The following ADGRL3 variants were observed in gnomAD, a reference collection of about 807,000 sequenced individuals.
ADGRL3 encodes calcium-independent alpha-latrotoxin receptor 3.
In ADGRL3, 62 loss-of-function variants were observed where a neutral mutation model predicts 153.5. That is an observed-to-expected ratio of 0.40 (90% CI 0.33 to 0.50). The LOEUF (loss-of-function observed/expected upper bound fraction) is 0.50, where lower values mean the gene tolerates loss of function less well. ADGRL3 is among the 20% of genes least tolerant of loss of function. The pLI is 0.47. For missense variants in ADGRL3, 1,641 were observed against 1,859.4 expected, an observed-to-expected ratio of 0.88 and a Z score of 2.16; for synonymous variants, 710 against 672.5, an observed-to-expected ratio of 1.06 and a Z score of -0.86.
rs1395096057 is a variant in ADGRL3, at chr4:61,737,543, C to T, written c.1399+3989C>T. Among the ~76,000 whole-genome samples the T allele has an allele frequency of 3.9e-5, 6 of 152,188 alleles. No homozygotes were observed. The South Asian group carries it at 8.3e-4, about 21-fold the overall frequency. On this transcript the variant is annotated intron_variant, in intron 8 of 26. Coordinates refer to ENST00000683033, the MANE Select transcript of ADGRL3 (RefSeq NM_001387552.1). The stretch of plus-strand genomic sequence containing the variant: ...ATGGGCAGGTTGTTCAGTCTTCAGT[C>T]TCGATTTCCTCAGACTATAAAATGG...
At chr4:61,724,319 G>A (rs992550419) in intron 6 of ADGRL3, among the ~76,000 whole-genome samples, 1 of 152,142 alleles carries the variant, frequency 6.6e-6, no homozygotes, top group Non-Finnish European at 1.5e-5. Context: ...TCTACTAAGA[G>A]AGCTGCATTT....
chr4:61,448,721 AAGG>A (rs1364688834), intron 2 of ADGRL3, among the ~76,000 whole-genome samples: 1 of 147,488 alleles, frequency 6.8e-6, no homozygotes, highest in Non-Finnish European at 1.5e-5. Context: ...AGAAGGAAGG[AAGG>A]AGAGAGGGAA....
At chr4:61,882,824 A>G (rs2098516341) in intron 9 of ADGRL3, among the ~76,000 whole-genome samples, 1 of 152,182 alleles carries the variant, frequency 6.6e-6, no homozygotes, top group South Asian at 2.1e-4. Context: ...TAATACTTGC[A>G]GCTGAGCATG....
At chr4:61,546,335 C>T (rs957504475) in intron 4 of ADGRL3, among the ~76,000 whole-genome samples, 4 of 152,172 alleles carry the variant, frequency 2.6e-5, no homozygotes, top group African/African-American at 4.8e-5. Flanking sequence ...CTCATGCTGG[C>T]TTGCACTGAC....
intron 2 of ADGRL3, among the ~76,000 whole-genome samples, chr4:61,439,843 T>A (rs1267324112): frequency 6.6e-6 from 1 of 152,160 alleles, no homozygotes; most frequent in African/African-American, 2.4e-5. Flanking sequence ...TCTCCTACAC[T>A]TGCCCTGTAA....
intron 2 of ADGRL3, among the ~76,000 whole-genome samples, chr4:61,414,876 A>C (rs191418257): frequency 6.6e-6 from 1 of 152,044 alleles, no homozygotes; most frequent in Admixed American, 6.5e-5. Context: ...TAATTTTGAT[A>C]TTTACATTAT....
intron 1 of ADGRL3, among the ~76,000 whole-genome samples, chr4:61,266,003 T>A (rs538945837): frequency 1.3e-5 from 2 of 151,892 alleles, no homozygotes; most frequent in Non-Finnish European, 2.9e-5. Context: ...TTTCGCATAT[T>A]TAAGTCTTTT....
At chr4:61,937,125 C>G (rs183211880) in intron 15 of ADGRL3, among the ~76,000 whole-genome samples, 308 of 152,238 alleles carry the variant, frequency 2.0e-3, no homozygotes, top group African/African-American at 7.0e-3. Context: ...CTTCCTAAAT[C>G]GTTTCCCTGC....
chr4:61,594,514 A>T (rs1449127612), intron 5 of ADGRL3, among the ~76,000 whole-genome samples: 1 of 152,128 alleles, frequency 6.6e-6, no homozygotes, highest in Admixed American at 6.5e-5. Context: ...GTTTTTGCAG[A>T]CTCATAGAGG....
intron 2 of ADGRL3, among the ~76,000 whole-genome samples, chr4:61,464,389 CAG>C (rs1408850958): frequency 6.6e-6 from 1 of 152,116 alleles, no homozygotes; most frequent in East Asian, 1.9e-4. Context: ...TGTAAATGTG[CAG>C]AGTTGTTAGC....
chr4:61,418,860 A>G (rs1245090248), intron 2 of ADGRL3, among the ~76,000 whole-genome samples: 1 of 150,844 alleles, frequency 6.6e-6, no homozygotes, highest in Non-Finnish European at 1.5e-5. Context: ...GGTAGCATAC[A>G]GTAACATTTA....
intron 8 of ADGRL3, among the ~76,000 whole-genome samples, chr4:61,777,349 A>C (rs2097164670): frequency 8.6e-5 from 13 of 152,004 alleles, no homozygotes; most frequent in Admixed American, 8.5e-4. Flanking sequence ...AAAAAAAGAA[A>C]ATTTCTCTAA....
intron 17 of ADGRL3, among the ~76,000 whole-genome samples, chr4:61,959,209 C>T (rs1163170511): frequency 6.6e-6 from 1 of 152,126 alleles, no homozygotes; most frequent in African/African-American, 2.4e-5. Flanking sequence ...TTTTAATTTA[C>T]AGCAGCATAA....
At chr4:62,061,587 C>G (rs10025965) in intron 25 of ADGRL3, among the ~76,000 whole-genome samples, 4,177 of 152,076 alleles carry the variant, frequency 0.027, 207 homozygotes, top group African/African-American at 0.097. Context: ...GTCATGTTGT[C>G]CTTTCATGAC....
intron 11 of ADGRL3, among the ~76,000 whole-genome samples, chr4:61,907,640 GATAT>G (rs148695815): frequency 6.7e-6 from 1 of 149,328 alleles, no homozygotes; most frequent in African/African-American, 2.5e-5. Context: ...ATATACACAT[GATAT>G]ATATATATAT....
intron 2 of ADGRL3, among the ~76,000 whole-genome samples, chr4:61,453,989 G>A (rs1441930798): frequency 1.3e-5 from 2 of 151,996 alleles, no homozygotes; most frequent in South Asian, 2.1e-4. Context: ...TCAAATTGCT[G>A]TCATTGTTCA....
chr4:61,911,736 G>A (rs2098722757), intron 12 of ADGRL3, among the ~76,000 whole-genome samples: 1 of 152,004 alleles, frequency 6.6e-6, no homozygotes. Flanking sequence ...ATTGAAGAAT[G>A]CATGAATTAG....
At chr4:61,769,123 C>T (rs1221567368) in intron 8 of ADGRL3, among the ~76,000 whole-genome samples, 2 of 151,804 alleles carry the variant, frequency 1.3e-5, no homozygotes, top group Non-Finnish European at 2.9e-5. Context: ...GGCGTCCCTG[C>T]GTGGTCTGAC....
At chr4:61,289,162 TTTTCTTC>T (rs1283495699) in intron 1 of ADGRL3, among the ~76,000 whole-genome samples, 2 of 151,946 alleles carry the variant, frequency 1.3e-5, no homozygotes, top group African/African-American at 4.8e-5. Flanking sequence ...ATTCCCACAC[TTTTCTTC>T]TTTCATAAAT....
Sources: allele counts gnomAD v4.1 joint callset (sites outside exome capture counted in the v4.1 genomes callset), GRCh38; gene constraint gnomAD v4.1.1; transcripts MANE v1.5; gene names NCBI Gene and HGNC (gene_info 2026-07-23, HGNC 2026-07-21).